The following MACROD2 variants were observed in gnomAD, a reference collection of about 807,000 sequenced individuals.
MACROD2 encodes the protein mono-ADP ribosylhydrolase 2.
A neutral mutation model predicts 70.4 loss-of-function variants in MACROD2; 36 were observed. The observed-to-expected ratio is 0.51, with a 90% confidence interval of 0.39 to 0.68. The LOEUF (loss-of-function observed/expected upper bound fraction) is 0.68, where lower values mean the gene tolerates loss of function less well. MACROD2 is among the 30% of genes least tolerant of loss of function. MACROD2 has a pLI of 0.00. For synonymous variants in MACROD2, 172 were observed against 178.8 expected (o/e 0.96, Z 0.30); for missense variants, 496 against 538.4 (o/e 0.92, Z 0.78).
At chr20:14,052,589 C>CTT (rs913869746) in intron 2 of MACROD2, among the ~76,000 whole-genome samples, 4 of 152,048 alleles carry the variant, frequency 2.6e-5, no homozygotes, top group African/African-American at 9.7e-5. Context: ...CTCCCTAAGT[C>CTT]TTAAGTTCCT....
chr20:15,753,811 G>C (rs2051307231), intron 8 of MACROD2, among the ~76,000 whole-genome samples: 2 of 152,130 alleles, frequency 1.3e-5, no homozygotes, highest in Admixed American at 1.3e-4. Flanking sequence ...CAGTTGTTCT[G>C]ACTGGTGTGA....
At position 15,278,328 on chromosome 20, in the gene MACROD2, G is replaced by A. The variant is rs112797194; in HGVS notation, c.540+48267G>A. On this transcript the variant is annotated intron_variant, in intron 6 of 17. Coordinates refer to ENST00000684519, the MANE Select transcript of MACROD2 (RefSeq NM_001351661.2). The stretch of plus-strand genomic sequence containing the variant: ...GACACACCTAACCCAACTTCAGGGG[G>A]AGATAGGTCCTTACTTGACAGGGAG... Among the ~76,000 whole-genome samples, 1,304 of 152,300 alleles carry A rather than the reference G, an allele frequency of 8.6e-3. 13 individuals carry two copies. Among genetic ancestry groups the A allele is most frequent in the African/African-American group, 0.029 (1,209 of 41,558 alleles).
At chr20:14,093,265 T>C (rs1569155827) in intron 3 of MACROD2, among the ~76,000 whole-genome samples, 1 of 151,832 alleles carries the variant, frequency 6.6e-6, no homozygotes, top group South Asian at 2.1e-4. Context: ...TTTTTTTTTT[T>C]CTGTAGAGAC....
intron 8 of MACROD2, among the ~76,000 whole-genome samples, chr20:15,638,546 A>G (rs949962767): frequency 6.6e-6 from 1 of 152,218 alleles, no homozygotes; most frequent in Non-Finnish European, 1.5e-5. Flanking sequence ...GGAGGCAGTG[A>G]ACCTCAGGAC....
intron 6 of MACROD2, among the ~76,000 whole-genome samples, chr20:15,408,580 C>A (rs920460059): frequency 3.9e-5 from 6 of 152,166 alleles, no homozygotes; most frequent in Admixed American, 2.6e-4. Flanking sequence ...GAGCAAAGTC[C>A]TCACTAAATG....
intron 5 of MACROD2, among the ~76,000 whole-genome samples, chr20:15,116,559 C>G (rs896851093): frequency 2.6e-5 from 4 of 152,126 alleles, no homozygotes; most frequent in Non-Finnish European, 5.9e-5. Flanking sequence ...ACAGGAGAAT[C>G]GCTTAAACCT....
chr20:15,965,717 T>G (rs1002403603), intron 12 of MACROD2, among the ~76,000 whole-genome samples: 1 of 152,182 alleles, frequency 6.6e-6, no homozygotes, highest in Non-Finnish European at 1.5e-5. Context: ...ATTCAAAATT[T>G]TTTTTTCAAT....
chr20:15,700,300 A>G (rs1326562340), intron 8 of MACROD2, among the ~76,000 whole-genome samples: 1 of 152,176 alleles, frequency 6.6e-6, no homozygotes, highest in Non-Finnish European at 1.5e-5. Flanking sequence ...AGAGCAACCC[A>G]AAGGAGCTGA....
At chr20:16,006,598 T>C (rs949888738) in intron 15 of MACROD2, among the ~76,000 whole-genome samples, 1 of 152,184 alleles carries the variant, frequency 6.6e-6, no homozygotes, top group Admixed American at 6.5e-5. Flanking sequence ...ACTCTATTTT[T>C]ATTGAAATGG....
At chr20:15,669,297 A>G (rs186321225) in intron 8 of MACROD2, among the ~76,000 whole-genome samples, 57 of 152,368 alleles carry the variant, frequency 3.7e-4, no homozygotes, top group Non-Finnish European at 6.6e-4. Flanking sequence ...TTCCAGCCTC[A>G]GTAAGCATTA....
At chr20:15,365,641 A>G (rs2045398841) in intron 6 of MACROD2, among the ~76,000 whole-genome samples, 2 of 151,986 alleles carry the variant, frequency 1.3e-5, no homozygotes, top group Admixed American at 6.5e-5. Flanking sequence ...AGCCTGGGCG[A>G]CAGAGCGAGG....
chr20:14,751,289 T>A (rs150655117), intron 5 of MACROD2, among the ~76,000 whole-genome samples: 28 of 149,894 alleles, frequency 1.9e-4, no homozygotes, highest in African/African-American at 6.6e-4. Context: ...GATCTTCTCT[T>A]TTATTCTTGA....
At chr20:14,881,202 G>C (rs1262584349) in intron 5 of MACROD2, among the ~76,000 whole-genome samples, 2 of 151,262 alleles carry the variant, frequency 1.3e-5, no homozygotes. Context: ...TTCTCTTCCT[G>C]CTGGAATTAC....
At chr20:15,920,703 C>T (rs962584671) in intron 10 of MACROD2, among the ~76,000 whole-genome samples, 2 of 152,078 alleles carry the variant, frequency 1.3e-5, no homozygotes, top group Non-Finnish European at 2.9e-5. Context: ...TGCCTTTAGC[C>T]GGCAAATGAT....
chr20:16,019,273 T>A (rs2066969795), intron 15 of MACROD2, among the ~76,000 whole-genome samples: 1 of 152,184 alleles, frequency 6.6e-6, no homozygotes, highest in African/African-American at 2.4e-5. Flanking sequence ...CACATTTTTT[T>A]ATATACTGTA....
At chr20:14,036,022 G>C (rs1268815296) in intron 2 of MACROD2, among the ~76,000 whole-genome samples, 3 of 152,056 alleles carry the variant, frequency 2.0e-5, no homozygotes, top group African/African-American at 7.2e-5. Context: ...GGTGCCTGTA[G>C]TCCCAGCTAG....
chr20:14,248,349 C>T (rs1359945947), intron 3 of MACROD2, among the ~76,000 whole-genome samples: 2 of 152,060 alleles, frequency 1.3e-5, no homozygotes, highest in African/African-American at 2.4e-5. Flanking sequence ...CTTTGGGAGC[C>T]GAGGCAGGTG....
At chr20:14,625,163 C>T (rs1335060972) in intron 4 of MACROD2, among the ~76,000 whole-genome samples, 3 of 151,798 alleles carry the variant, frequency 2.0e-5, no homozygotes, top group African/African-American at 4.8e-5. Flanking sequence ...CCCGTCTCTA[C>T]TAAAAAGACA....
In MACROD2 at chr20:15,479,265, CTTTTTT is replaced by C. The variant is rs767435610; in HGVS notation, c.572-20489_572-20484del. Among the ~76,000 whole-genome samples the C allele has an allele frequency of 3.3e-3, 291 of 87,752 alleles. 2 individuals carry two copies. In the East Asian group the frequency reaches 0.035, roughly 11 times the overall value. The allele number at this position is 87,752 out of a possible 152,430, so 57.6% of individuals were successfully genotyped here. ...TTGTTAAGTACTAGATTCTCGCTCT[CTTTTTT>C]TTTTTTTTTTTTTTTTTTTGAGACG... On this transcript the variant is annotated intron_variant, in intron 7 of 17. Transcript: ENST00000684519.
Sources: allele counts gnomAD v4.1 joint callset (sites outside exome capture counted in the v4.1 genomes callset), GRCh38; gene constraint gnomAD v4.1.1; transcripts MANE v1.5; gene names NCBI Gene and HGNC (gene_info 2026-07-23, HGNC 2026-07-21).